The following ESRRG variants were observed in gnomAD, a reference collection of about 807,000 sequenced individuals.
ESRRG encodes estrogen-related receptor gamma.
In ESRRG, 13 loss-of-function variants were observed where a neutral mutation model predicts 44.0. The ratio of observed to expected loss-of-function variants is 0.30; its 90% CI spans 0.19 to 0.47. ESRRG has a LOEUF of 0.47. Ranked by LOEUF, ESRRG falls within the 20% of genes least tolerant of loss-of-function variation. The pLI is 1.00. For synonymous variants in ESRRG, 215 were observed against 214.6 expected (o/e 1.00, Z -0.02); for missense variants, 395 against 580.6 (o/e 0.68, Z 3.29).
chr1:216,629,183 G>A (rs1485469385), intron 3 of ESRRG, among the ~76,000 whole-genome samples: 1 of 152,052 alleles, frequency 6.6e-6, no homozygotes, highest in East Asian at 1.9e-4. Flanking sequence ...TTACCACTTG[G>A]AACAAGAGAT....
intron 1 of ESRRG, among the ~76,000 whole-genome samples, chr1:216,941,099 G>A (rs147591935): frequency 7.2e-4 from 109 of 152,246 alleles, no homozygotes; most frequent in African/African-American, 1.0e-3. Context: ...GAGGTAAGAT[G>A]ACTCAAATGT....
intron 3 of ESRRG, among the ~76,000 whole-genome samples, chr1:216,604,079 G>A (rs955348184): frequency 9.2e-5 from 14 of 152,098 alleles, no homozygotes; most frequent in Admixed American, 4.6e-4. Context: ...AGGAAACTGC[G>A]GTTCCACCTG....
At chr1:216,992,533 A>T (rs2150534762) in intron 1 of ESRRG, among the ~76,000 whole-genome samples, 1 of 152,346 alleles carries the variant, frequency 6.6e-6, no homozygotes, top group Admixed American at 6.5e-5. Flanking sequence ...TGATCAAAAA[A>T]TGTTTGTTTA....
chr1:217,082,703 C>T (rs1009111867), intron 1 of ESRRG, among the ~76,000 whole-genome samples: 28 of 151,132 alleles, frequency 1.9e-4, no homozygotes, highest in Admixed American at 9.2e-4. Context: ...CTTCATCCAA[C>T]TGCTTCCGTT....
At chr1:217,133,609 C>CTT (rs1441691803) in intron 1 of ESRRG, among the ~76,000 whole-genome samples, 1 of 15,550 alleles carries the variant, frequency 6.4e-5, no homozygotes, top group Non-Finnish European at 1.7e-4. Context: ...TTCCTTTTTT[C>CTT]TTTCTTTCTT....
intron 2 of ESRRG, among the ~76,000 whole-genome samples, chr1:216,888,094 G>C (rs1390814624): frequency 6.6e-6 from 1 of 151,822 alleles, no homozygotes; most frequent in Admixed American, 6.6e-5. Context: ...ATTTACTGAG[G>C]TCCTCTCATC....
At chr1:216,587,541 T>C (rs191133342) in intron 3 of ESRRG, among the ~76,000 whole-genome samples, 1 of 152,322 alleles carries the variant, frequency 6.6e-6, no homozygotes, top group African/African-American at 2.4e-5. Flanking sequence ...AATATGTATG[T>C]AATTTTAGCC....
intron 2 of ESRRG, among the ~76,000 whole-genome samples, chr1:216,831,479 C>CG (rs565480445): frequency 1.9e-3 from 247 of 131,398 alleles, no homozygotes; most frequent in Non-Finnish European, 2.9e-3. Context: ...TCTCATTCAA[C>CG]GGGGGGAGGA....
intron 3 of ESRRG, among the ~76,000 whole-genome samples, chr1:216,613,107 A>C (rs2060897260): frequency 6.6e-6 from 1 of 152,158 alleles, no homozygotes; most frequent in Admixed American, 6.5e-5. Context: ...GACTAGGGGA[A>C]GTTTTTTGGA....
chr1:216,844,698 C>T (rs7515026), intron 2 of ESRRG, among the ~76,000 whole-genome samples: 5,104 of 152,046 alleles, frequency 0.034, 301 homozygotes, highest in African/African-American at 0.11. Flanking sequence ...ACTGATGCGC[C>T]CCCATCCTTC....
intron 2 of ESRRG, among the ~76,000 whole-genome samples, chr1:216,798,623 T>A (rs1193143211): frequency 6.6e-6 from 1 of 151,866 alleles, no homozygotes; most frequent in Non-Finnish European, 1.5e-5. Flanking sequence ...GTAGTAAGAG[T>A]GGATGTAGGA....
intron 2 of ESRRG, among the ~76,000 whole-genome samples, chr1:216,937,140 T>C (rs528203315): frequency 2.0e-4 from 31 of 152,258 alleles, no homozygotes; most frequent in African/African-American, 7.5e-4. Flanking sequence ...TCAAATTTTT[T>C]GTTCCACTTA....
rs759405075 is a variant in ESRRG, at chr1:216,639,268, G to A, written c.589+11705C>T. Among the ~76,000 whole-genome samples, 49 of 152,166 alleles carry A rather than the reference G, an allele frequency of 3.2e-4. 1 individual carries two copies. The highest frequency in any genetic ancestry group is 2.4e-3 in the Admixed American group (36 of 15,278). ...GAACAACAACAACAATCCCCCACCCGCTCCCAAAAAAGAACAAACTTAATG... is the reference window on the plus strand; with the variant it reads ...GAACAACAACAACAATCCCCCACCCACTCCCAAAAAAGAACAAACTTAATG... On this transcript the variant is annotated intron_variant, in intron 3 of 6. Transcript: ENST00000408911.
At chr1:216,684,087 G>C (rs2077503559) in intron 1 of ESRRG, among the ~76,000 whole-genome samples, 1 of 152,186 alleles carries the variant, frequency 6.6e-6, no homozygotes, top group Admixed American at 6.5e-5. Flanking sequence ...TTAGGACTAG[G>C]GGTGTTGCAA....
At chr1:216,960,521 G>A (rs2068823693) in intron 1 of ESRRG, among the ~76,000 whole-genome samples, 1 of 152,016 alleles carries the variant, frequency 6.6e-6, no homozygotes, top group South Asian at 2.1e-4. Context: ...ACTATCTATA[G>A]TCCTCTCTGG....
At position 216,994,980 on chromosome 1, in the gene ESRRG, G is replaced by T. The variant is rs962450526; in HGVS notation, c.-105-55307C>A. Among the ~76,000 whole-genome samples the T allele has an allele frequency of 4.6e-5, 7 of 152,156 alleles. 1 individual carries two copies. Among genetic ancestry groups the T allele is most frequent in the Non-Finnish European group, 1.0e-4 (7 of 68,046 alleles). ...CAGATGAGAGCACCTTCATAAGCCA[G>T]CTTTGCTGTTTACTGTGATGAAACA... On this transcript the variant is annotated intron_variant, in intron 1 of 7. Coordinates refer to the ESRRG transcript ENST00000359162.
intron 1 of ESRRG, among the ~76,000 whole-genome samples, chr1:217,085,481 A>ATTTTTTTTTTTTTTTTTTTT (rs148354268): frequency 2.0e-5 from 1 of 49,128 alleles, no homozygotes; most frequent in African/African-American, 9.2e-5. Flanking sequence ...TTTTCTTTTC[A>ATTTTTTTTTTTTTTTTTTTT]TTTTTTTTTT....
intron 1 of ESRRG, among the ~76,000 whole-genome samples, chr1:217,094,888 T>C (rs2092400272): frequency 1.3e-5 from 2 of 152,212 alleles, no homozygotes; most frequent in Non-Finnish European, 2.9e-5. Flanking sequence ...AAACATTTAT[T>C]TAAAATAGAA....
chr1:216,583,757 A>C (rs937076778), intron 3 of ESRRG, among the ~76,000 whole-genome samples: 3 of 152,240 alleles, frequency 2.0e-5, no homozygotes, highest in African/African-American at 7.2e-5. Context: ...TTGGACTTAC[A>C]GTTCCACGTG....
Sources: gnomAD v4.1 joint callset for allele counts (sites outside exome capture counted in the v4.1 genomes callset) on GRCh38, gnomAD v4.1.1 for gene constraint, MANE v1.5 for transcripts, NCBI Gene and HGNC (gene_info 2026-07-23, HGNC 2026-07-21) for gene names.